The following XYLT1 variants were observed in gnomAD, a reference collection of about 807,000 sequenced individuals.
The protein encoded by XYLT1 is xylosyltransferase 1.
In XYLT1, 36 loss-of-function variants were observed where a neutral mutation model predicts 91.3. That is an observed-to-expected ratio of 0.39 (90% CI 0.30 to 0.52). XYLT1 has a LOEUF of 0.52. XYLT1 is among the 20% of genes least tolerant of loss of function. XYLT1 has a pLI of 0.68. For missense variants in XYLT1, 1,242 were observed against 1,284.5 expected (o/e 0.97, Z 0.51); for synonymous variants, 588 against 532.0 (o/e 1.11, Z -1.45).
chr16:17,119,035 C>T (rs1482227538), intron 10 of XYLT1, among the ~76,000 whole-genome samples: 2 of 152,150 alleles, frequency 1.3e-5, no homozygotes, highest in East Asian at 3.9e-4. Context: ...TTATTTTCTT[C>T]CTATCAGTGG....
chr16:17,365,108 C>A (rs2035435015), intron 1 of XYLT1, among the ~76,000 whole-genome samples: 1 of 152,172 alleles, frequency 6.6e-6, no homozygotes, highest in Admixed American at 6.5e-5. Context: ...CGCTCTGCAC[C>A]CCCAAGAAAT....
At chr16:17,128,110 C>T (rs539453865) in intron 9 of XYLT1, among the ~76,000 whole-genome samples, 1 of 152,314 alleles carries the variant, frequency 6.6e-6, no homozygotes, top group African/African-American at 2.4e-5. Context: ...CTTTCCATGC[C>T]TCTTCCCATA....
chr16:17,461,609 T>A (rs1477307230), intron 1 of XYLT1, among the ~76,000 whole-genome samples: 1 of 152,044 alleles, frequency 6.6e-6, no homozygotes, highest in Non-Finnish European at 1.5e-5. Context: ...GACGGATAGA[T>A]GGATGGATGG....
chr16:17,384,508 T>A (rs546387728), intron 1 of XYLT1, among the ~76,000 whole-genome samples: 1 of 152,054 alleles, frequency 6.6e-6, no homozygotes, highest in African/African-American at 2.4e-5. Flanking sequence ...TCAGGAAGAC[T>A]GTGCATTCAA....
At chr16:17,316,555 C>A (rs1175492787) in intron 2 of XYLT1, among the ~76,000 whole-genome samples, 1 of 152,028 alleles carries the variant, frequency 6.6e-6, no homozygotes, top group African/African-American at 2.4e-5. Context: ...TGCCACCATG[C>A]CTGGATGATT....
chr16:17,296,709 GAGA>G (rs1167323728), intron 2 of XYLT1, among the ~76,000 whole-genome samples: 1 of 152,234 alleles, frequency 6.6e-6, no homozygotes, highest in Non-Finnish European at 1.5e-5. Context: ...ACCAAAGACA[GAGA>G]AGGACAGGCT....
intron 1 of XYLT1, among the ~76,000 whole-genome samples, chr16:17,371,418 T>C (rs1190446169): frequency 6.6e-6 from 1 of 152,236 alleles, no homozygotes; most frequent in Non-Finnish European, 1.5e-5. Context: ...ACTTCTGAGC[T>C]GTAGGATGTT....
chr16:17,347,062 C>T (rs866556963), intron 2 of XYLT1, among the ~76,000 whole-genome samples: 29 of 152,348 alleles, frequency 1.9e-4, no homozygotes, highest in Admixed American at 5.2e-4. Context: ...GCAGGACCAC[C>T]TGGTCTGGAG....
intron 2 of XYLT1, among the ~76,000 whole-genome samples, chr16:17,351,737 AG>A (rs1408006721): frequency 1.3e-4 from 17 of 126,022 alleles, no homozygotes; most frequent in African/African-American, 5.6e-4. Flanking sequence ...CTGACATTTG[AG>A]GCTTTTTTTT....
intron 3 of XYLT1, among the ~76,000 whole-genome samples, chr16:17,216,865 C>T (rs900443440): frequency 3.9e-5 from 6 of 152,300 alleles, no homozygotes; most frequent in Middle Eastern, 3.4e-3. Context: ...CACAGTGGTC[C>T]TCTTCGTCAA....
At chr16:17,286,670 T>G (rs1461252346) in intron 2 of XYLT1, among the ~76,000 whole-genome samples, 1 of 152,174 alleles carries the variant, frequency 6.6e-6, no homozygotes, top group African/African-American at 2.4e-5. Flanking sequence ...ATCCTCATCA[T>G]CATCATCCTC....
chr16:17,316,635 G>T (rs898477069), intron 2 of XYLT1, among the ~76,000 whole-genome samples: 1 of 151,974 alleles, frequency 6.6e-6, no homozygotes, highest in Non-Finnish European at 1.5e-5. Context: ...GGCCTCAAGT[G>T]ATCCTCCTGC....
At chr16:17,275,939 C>G (rs1248260122) in intron 2 of XYLT1, among the ~76,000 whole-genome samples, 1 of 152,148 alleles carries the variant, frequency 6.6e-6, no homozygotes, top group East Asian at 1.9e-4. Context: ...TGGAAATGCT[C>G]ACGGAGCCAG....
chr16:17,318,865 G>C (rs2034675332), intron 2 of XYLT1, among the ~76,000 whole-genome samples: 1 of 149,526 alleles, frequency 6.7e-6, no homozygotes, highest in South Asian at 2.1e-4. Context: ...TCAGCTCCCT[G>C]CAACCTCTGC....
chr16:17,394,207 A>G (rs957803038), intron 1 of XYLT1, among the ~76,000 whole-genome samples: 18 of 152,206 alleles, frequency 1.2e-4, no homozygotes, highest in Admixed American at 2.0e-4. Context: ...TCAATTTCTC[A>G]CTGCTCTAGC....
chr16:17,432,285 C>T (rs1245528645), intron 1 of XYLT1, among the ~76,000 whole-genome samples: 1 of 152,182 alleles, frequency 6.6e-6, no homozygotes, highest in South Asian at 2.1e-4. Context: ...CTCATAGCAG[C>T]GTTATTCACA....
At chr16:17,436,451 T>C (rs536347768) in intron 1 of XYLT1, among the ~76,000 whole-genome samples, 1 of 152,320 alleles carries the variant, frequency 6.6e-6, no homozygotes, top group East Asian at 1.9e-4. Context: ...ATCTCAGCAC[T>C]ACCACCGTGG....
At chr16:17,335,012 C>G (rs2034957428) in intron 2 of XYLT1, among the ~76,000 whole-genome samples, 1 of 151,980 alleles carries the variant, frequency 6.6e-6, no homozygotes, top group Non-Finnish European at 1.5e-5. Context: ...TTGCTTGAAG[C>G]CAGGAGTTCG....
intron 7 of XYLT1, among the ~76,000 whole-genome samples, chr16:17,139,015 G>A (rs1331057753): frequency 6.6e-6 from 1 of 152,242 alleles, no homozygotes; most frequent in East Asian, 1.9e-4. Flanking sequence ...AGGGAAGGGA[G>A]TGGGTGGGGC....
Sources: gnomAD v4.1 joint callset for allele counts (sites outside exome capture counted in the v4.1 genomes callset) on GRCh38, gnomAD v4.1.1 for gene constraint, MANE v1.5 for transcripts, NCBI Gene and HGNC (gene_info 2026-07-23, HGNC 2026-07-21) for gene names.